MOB3A: variants seen among roughly 807,000 people sequenced by gnomAD.
MOB3A encodes MOB LAK.
MOB3A carries 17 observed loss-of-function variants against 17.8 expected under a neutral mutation model. The observed-to-expected ratio is 0.95, with a 90% CI of 0.65 to 1.43. The LOEUF is 1.43. Among genes scored for constraint, MOB3A ranks in the 40% most tolerant of loss-of-function variants. MOB3A has a pLI of 0.00. For synonymous variants in MOB3A, 124 were observed against 133.2 expected (o/e 0.93, Z 0.48); for missense variants, 333 against 310.8 (o/e 1.07, Z -0.54).
rs369065597 is a variant in MOB3A, at chr19:2,081,799, G to A, written c.-119-3120C>T. Reference sequence around the variant, plus strand: ...CTTGGGAGGCTGAGGCAGGAGAATCGCTTGAACCTGGGAGGCAGAGGTTGC... The same window carrying A: ...CTTGGGAGGCTGAGGCAGGAGAATCACTTGAACCTGGGAGGCAGAGGTTGC... On this transcript the variant is annotated intron_variant, in intron 2 of 4. Coordinates refer to ENST00000357066, the MANE Select transcript of MOB3A (RefSeq NM_130807.3). Among the ~76,000 whole-genome samples the A allele has an allele frequency of 2.1e-4, 32 of 152,266 alleles. No homozygotes were observed. The South Asian group carries it at 5.2e-3, about 25-fold the overall frequency.
chr19:2,072,340 CT>C lies in MOB3A; in HGVS notation c.*1054del, dbSNP rs1415314644. On this transcript the variant is annotated 3_prime_UTR_variant, in exon 5 of 5. Coordinates refer to ENST00000357066, the MANE Select transcript of MOB3A (RefSeq NM_130807.3). The stretch of plus-strand genomic sequence containing the variant: ...CCTGTAATCCCAGCTACTTGGGAGG[CT>C]GAAGCAGGAGAATCACTTGAACCCA... The C allele has an allele frequency of 1.3e-5, 2 of 152,180 alleles. No homozygotes were observed. Among genetic ancestry groups the C allele is most frequent in the African/African-American group, 4.8e-5 (2 of 41,508 alleles). 9.4% of individuals were successfully genotyped at this position (152,180 alleles called of 1,614,324 possible).
At chr19:2,090,725 G>A (rs544998243) in intron 1 of MOB3A, among the ~76,000 whole-genome samples, 50 of 151,994 alleles carry the variant, frequency 3.3e-4, no homozygotes, top group African/African-American at 1.1e-3. Flanking sequence ...GTGCAGTGGC[G>A]CGATCTCGTC....
rs150353061 is a variant in MOB3A, at chr19:2,078,561, C to G, written c.-1G>C. On this transcript the variant is annotated 5_prime_UTR_variant, in exon 3 of 5. Coordinates refer to ENST00000357066, the MANE Select transcript of MOB3A (RefSeq NM_130807.3). ...CTTGCTTCAGGAAGGGGTTGGACAT[C>G]TTGGTGACGCCTGCTCTCCTGGACT... is the stretch of plus-strand genomic sequence containing the variant. 7.7e-6 allele frequency: 12 copies of G among 1,561,766 alleles called. No homozygotes were observed. Among genetic ancestry groups the G allele is most frequent in the Non-Finnish European group, 7.8e-6 (9 of 1,149,658 alleles).
In MOB3A at chr19:2,078,274, T is replaced by G; in HGVS notation, c.287A>C (p.Lys96Thr). 6.2e-7 allele frequency: 1 copy of G among 1,614,114 alleles called. No homozygotes were observed. Among genetic ancestry groups the G allele is most frequent in the Non-Finnish European group, 8.5e-7 (1 of 1,180,004 alleles). The change falls in exon 3 of 5, where the codon AAG becomes ACG. Residue 96 changes from lysine to threonine, a missense_variant. Coordinates refer to ENST00000357066, the MANE Select transcript of MOB3A (RefSeq NM_130807.3). The part of the protein sequence containing the change: ...QSCPVMSGGP[K>T]YEYRWQDEHK... ...CTCATCCTGCCAGCGGTACTCATAC[T>G]TGGGGCCCCCCGACATGACGGGGCA...
At chr19:2,088,554 G>A (rs745500186) in intron 1 of MOB3A, among the ~76,000 whole-genome samples, 5 of 152,042 alleles carry the variant, frequency 3.3e-5, no homozygotes, top group Non-Finnish European at 5.9e-5. Context: ...TGCAACCTCC[G>A]CCTCACGGGT....
At chr19:2,094,138 C>T (rs995193433) in intron 1 of MOB3A, among the ~76,000 whole-genome samples, 4 of 151,456 alleles carry the variant, frequency 2.6e-5, no homozygotes, top group Non-Finnish European at 4.4e-5. Flanking sequence ...GCTTCGCCTC[C>T]AGGGTTCATG....
intron 4 of MOB3A, among the ~76,000 whole-genome samples, chr19:2,074,246 TCAAA>T (rs142534004): frequency 0.052 from 7,830 of 151,516 alleles, 245 homozygotes; most frequent in African/African-American, 0.078. Context: ...GTGGCTGAGA[TCAAA>T]CAAACAAACA....
In MOB3A at chr19:2,078,502, C is replaced by G; in HGVS notation, c.59G>C (p.Arg20Pro). ...GCGCTGGGTGCCTGGCTCAAACTTG[C>G]GCTTGGGGCGGAATGTCTTGTCCTT... Reference protein sequence around the residue: ...FNKDKTFRPKRKFEPGTQRFE... With the variant: ...FNKDKTFRPKPKFEPGTQRFE... Residue 20 changes from arginine (R) to proline (P), a missense_variant, in exon 3 of 5, where the codon CGC becomes CCC. Physicochemically the swap from Arg to Pro is moderately radical, Grantham distance 103. Transcript: ENST00000357066. 4 of 1,605,354 alleles carry G rather than the reference C, an allele frequency of 2.5e-6. No homozygotes were observed. Among genetic ancestry groups the G allele is most frequent in the Non-Finnish European group, 3.4e-6 (4 of 1,173,886 alleles).
chr19:2,088,088 G>C (rs1392670218), intron 1 of MOB3A, among the ~76,000 whole-genome samples: 1 of 152,178 alleles, frequency 6.6e-6, no homozygotes, highest in Non-Finnish European at 1.5e-5. Flanking sequence ...TGCACCCCGG[G>C]GACTCATACT....
intron 1 of MOB3A, among the ~76,000 whole-genome samples, chr19:2,086,625 TG>T (rs766730658): frequency 6.6e-6 from 1 of 151,758 alleles, no homozygotes; most frequent in African/African-American, 2.4e-5. Context: ...CCCAAAGTGC[TG>T]GGATTACAGG....
Position 2,084,780 on chromosome 19 carries a change from G to A in MOB3A, c.-120+395C>T, listed in dbSNP as rs542757460. 1.2e-4 allele frequency among the ~76,000 whole-genome samples: 18 copies of A among 152,066 alleles called. No homozygotes were observed. The South Asian group carries it at 3.7e-3, about 32-fold the overall frequency. ...TAATTTTTGTACTTTTAGTAGAGAT[G>A]GCGTTTCACCATGCTGGCCAGGCTG... On this transcript the variant is annotated intron_variant, in intron 2 of 4. Coordinates refer to ENST00000357066, the MANE Select transcript of MOB3A (RefSeq NM_130807.3).
At chr19:2,089,781 C>T (rs2017592692) in intron 1 of MOB3A, among the ~76,000 whole-genome samples, 1 of 151,532 alleles carries the variant, frequency 6.6e-6, no homozygotes, top group Non-Finnish European at 1.5e-5. Flanking sequence ...TTTTTTTTTC[C>T]CAAATAACTA....
At chr19:2,092,614 C>T (rs1046119172) in intron 1 of MOB3A, among the ~76,000 whole-genome samples, 3 of 151,816 alleles carry the variant, frequency 2.0e-5, no homozygotes, top group Non-Finnish European at 4.4e-5. Flanking sequence ...AAAAATTAGC[C>T]GGGCGTGGTG....
rs1435859051 is a variant in MOB3A at position 2,082,704 on chromosome 19, A to G, written c.-120+2471T>C. 6.6e-6 allele frequency among the ~76,000 whole-genome samples: 1 copy of G among 152,134 alleles called. No individual in the cohort carries two copies. Among genetic ancestry groups the G allele is most frequent in the East Asian group, 1.9e-4 (1 of 5,194 alleles). Reference sequence around the variant, plus strand: ...CGCTGCTCCACCACGGGGCCCCTCCACTGCCTAGCAGAGCCACGTGGATGC... The same window carrying G: ...CGCTGCTCCACCACGGGGCCCCTCCGCTGCCTAGCAGAGCCACGTGGATGC... On this transcript the variant is annotated intron_variant, in intron 2 of 4. Coordinates refer to ENST00000357066, the MANE Select transcript of MOB3A (RefSeq NM_130807.3). The surrounding 1 kb of genome is among the most constrained non-coding windows in gnomAD (Gnocchi z 4.1).
At chr19:2,083,011 T>C (rs2017508369) in intron 2 of MOB3A, among the ~76,000 whole-genome samples, 1 of 152,042 alleles carries the variant, frequency 6.6e-6, no homozygotes, top group Admixed American at 6.6e-5. Flanking sequence ...TTTTTTGTTG[T>C]TGTTGTTGTA....
At chr19:2,092,753 CAAAAAAAAAA>C (rs745800527) in intron 1 of MOB3A, among the ~76,000 whole-genome samples, 22 of 48,238 alleles carry the variant, frequency 4.6e-4, no homozygotes, top group Admixed American at 6.9e-4. Flanking sequence ...AACTCCATCT[CAAAAAAAAAA>C]AAAAAAAAAA....
intron 4 of MOB3A, among the ~76,000 whole-genome samples, chr19:2,074,964 G>A (rs1010088165): frequency 7.9e-5 from 12 of 151,498 alleles, no homozygotes; most frequent in South Asian, 4.2e-4. Flanking sequence ...TGAGCTGCCC[G>A]TCTTGGCATT....
Position 2,072,360 on chromosome 19 carries a change from G to C in MOB3A, c.*1035C>G, listed in dbSNP as rs1241066544. The C allele has an allele frequency of 6.6e-6, 1 of 152,156 alleles. No individual in the cohort carries two copies. Among genetic ancestry groups the C allele is most frequent in the Non-Finnish European group, 1.5e-5 (1 of 68,046 alleles). The allele number at this position is 152,156 out of a possible 1,614,324, so 9.4% of individuals were successfully genotyped here. ...GGAGGCTGAAGCAGGAGAATCACTTGAACCCAGGAGGTGGAGGATGCAGTG... is the reference window on the plus strand; with the variant it reads ...GGAGGCTGAAGCAGGAGAATCACTTCAACCCAGGAGGTGGAGGATGCAGTG... On this transcript the variant is annotated 3_prime_UTR_variant, in exon 5 of 5. Transcript: ENST00000357066.
intron 1 of MOB3A, among the ~76,000 whole-genome samples, chr19:2,088,284 G>C (rs1465615594): frequency 6.6e-6 from 1 of 152,076 alleles, no homozygotes; most frequent in African/African-American, 2.4e-5. Context: ...GGCAAGGCCG[G>C]GGATCTAACT....
Sources: gnomAD v4.1 joint callset for allele counts (sites outside exome capture counted in the v4.1 genomes callset) on GRCh38, gnomAD v4.1.1 for gene constraint, Gnocchi (gnomAD v3.1) non-coding constraint, MANE v1.5 for transcripts, NCBI Gene and HGNC (gene_info 2026-07-23, HGNC 2026-07-21) for gene names.